NCLN: variants seen among roughly 807,000 people sequenced by gnomAD.
NCLN encodes nicalin, also known as BOS complex subunit NCLN.
In NCLN, 34 loss-of-function variants were observed where a neutral mutation model predicts 69.5. That is an observed-to-expected ratio of 0.49 (90% CI 0.37 to 0.65). The LOEUF (loss-of-function observed/expected upper bound fraction) is 0.65. Ranked by LOEUF, NCLN falls within the 30% of genes least tolerant of loss-of-function variation. The pLI, the probability that NCLN is intolerant of heterozygous loss-of-function variation, is 0.00. For missense variants in NCLN, 710 were observed against 804.8 expected (o/e 0.88, Z 1.42); for synonymous variants, 393 against 358.3 (o/e 1.10, Z -1.09).
chr19:3,186,097 A>G lies in NCLN; in HGVS notation c.67A>G (p.Ile23Val). The G allele has an allele frequency of 6.2e-7, 1 of 1,600,002 alleles. No homozygotes were observed. ...LKASCLPLGF[I>V]VFLPAVLLLV... ...GGCGTCTTGTCTGCCGCTCGGCTTCATCGTCTTCCTGCCCGCTGTGCTGCT... is the reference window on the plus strand; with the variant it reads ...GGCGTCTTGTCTGCCGCTCGGCTTCGTCGTCTTCCTGCCCGCTGTGCTGCT... The change falls in exon 1 of 15, where the codon ATC becomes GTC. Residue 23 changes from isoleucine (I) to valine (V), a missense_variant. Transcript: ENST00000246117.
At chr19:3,197,967 A>C (rs1042054634) in intron 4 of NCLN, among the ~76,000 whole-genome samples, 1 of 152,200 alleles carries the variant, frequency 6.6e-6, no homozygotes, top group African/African-American at 2.4e-5. Flanking sequence ...TGCATGTGCA[A>C]GCCGTCCATG....
intron 4 of NCLN, among the ~76,000 whole-genome samples, chr19:3,197,685 ATC>A (rs1161722264): frequency 1.4e-5 from 2 of 146,968 alleles, no homozygotes; most frequent in Non-Finnish European, 3.0e-5. Context: ...CAATGGTGCG[ATC>A]TCAGCTCACT....
intron 1 of NCLN, among the ~76,000 whole-genome samples, chr19:3,189,838 C>A (rs997897233): frequency 2.0e-5 from 3 of 152,218 alleles, no homozygotes; most frequent in Non-Finnish European, 4.4e-5. Flanking sequence ...CGAGCGGGGG[C>A]TGGGATCCAG....
intron 1 of NCLN, among the ~76,000 whole-genome samples, chr19:3,189,295 C>T (rs1915750324): frequency 6.6e-6 from 1 of 152,232 alleles, no homozygotes; most frequent in South Asian, 2.1e-4. Flanking sequence ...GCTCCCAGGA[C>T]CCGTCAAGTC....
intron 1 of NCLN, among the ~76,000 whole-genome samples, chr19:3,188,949 C>A (rs367947621): frequency 6.6e-6 from 1 of 152,244 alleles, no homozygotes; most frequent in Non-Finnish European, 1.5e-5. Flanking sequence ...GAAGCCCCAG[C>A]GTGCTGCCTT....
chr19:3,198,379 T>C (rs1424873559), intron 4 of NCLN, among the ~76,000 whole-genome samples: 2 of 151,206 alleles, frequency 1.3e-5, no homozygotes, highest in African/African-American at 2.4e-5. Context: ...TGGTGGCGGG[T>C]GCCTGTAGTC....
rs1258806580 is a variant in NCLN at position 3,192,675 on chromosome 19, T to C, written c.375+15T>C. The C allele has an allele frequency of 6.6e-6, 10 of 1,518,326 alleles. No individual in the cohort carries two copies. The African/African-American group carries it at 1.3e-4, about 19-fold the overall frequency. The allele number at this position is 1,518,326 out of a possible 1,614,324, so 94.1% of individuals were successfully genotyped here. On this transcript the variant is annotated intron_variant, in intron 2 of 14. Coordinates refer to ENST00000246117, the MANE Select transcript of NCLN (RefSeq NM_020170.4). ...ACGTCGTCCGGGTGAGCGTCTGCCC[T>C]GCCCCGCCCGGCTCAGGTCCAGAGC... is the stretch of plus-strand genomic sequence containing the variant.
intron 3 of NCLN, 55 bp downstream of exon 3, chr19:3,193,483 C>G: frequency 6.5e-7 from 1 of 1,528,560 alleles, no homozygotes; most frequent in Non-Finnish European, 8.8e-7. Context: ...GGGAGGCGTC[C>G]CCATCCCAAG....
intron 14 of NCLN, 45 bp downstream of exon 14, chr19:3,207,514 G>C: frequency 1.2e-6 from 2 of 1,609,900 alleles, no homozygotes; most frequent in Non-Finnish European, 1.7e-6. Context: ...CGCCCGCCGG[G>C]AGGAGCTGGG....
At position 3,206,201 on chromosome 19, in the gene NCLN, C is replaced by T. The variant is rs1430745405; in HGVS notation, c.1335+11C>T. 7 of 1,083,340 alleles carry T rather than the reference C, an allele frequency of 6.5e-6. No individual in the cohort carries two copies. The highest frequency in any genetic ancestry group is 8.6e-6 in the Non-Finnish European group (7 of 814,888). 67.1% of individuals were successfully genotyped at this position (1,083,340 alleles called of 1,614,324 possible). ...TTCACAGAGCAGATGGTAAGGGGGC[C>T]AGGCCAGTGGGTGGGTGGGTGGGCG... is the stretch of plus-strand genomic sequence containing the variant. On this transcript the variant is annotated intron_variant, in intron 11 of 14. Coordinates refer to ENST00000246117, the MANE Select transcript of NCLN (RefSeq NM_020170.4).
chr19:3,198,762 C>T, intron 4 of NCLN, 55 bp from the exon 5 acceptor site: 1 of 1,467,508 alleles, frequency 6.8e-7, no homozygotes. Context: ...AAGCCCCACA[C>T]ACGGGTCACC....
At chr19:3,186,975 A>C (rs1915686337) in intron 1 of NCLN, among the ~76,000 whole-genome samples, 1 of 152,110 alleles carries the variant, frequency 6.6e-6, no homozygotes, top group Non-Finnish European at 1.5e-5. Context: ...AGAATCTGCT[A>C]GCCCAGCTTC....
At position 3,203,987 on chromosome 19, in the gene NCLN, G is replaced by T; in HGVS notation, c.890-18G>T. 6.4e-7 allele frequency: 1 copy of T among 1,555,390 alleles called. No individual in the cohort carries two copies. Reference sequence around the variant, plus strand: ...TTCCTGGTCCCCACCCACCCCGCCAGCTCTCGGTGTCCTGCAGACTCCAGC... The same window carrying T: ...TTCCTGGTCCCCACCCACCCCGCCATCTCTCGGTGTCCTGCAGACTCCAGC... On this transcript the variant is annotated intron_variant, in intron 7 of 14. Coordinates refer to ENST00000246117, the MANE Select transcript of NCLN (RefSeq NM_020170.4).
chr19:3,186,201 G>A lies in NCLN; in HGVS notation c.171G>A (p.Gln57=). 1.3e-6 allele frequency: 2 copies of A among 1,561,312 alleles called. No individual in the cohort carries two copies. Among genetic ancestry groups the A allele is most frequent in the Non-Finnish European group, 1.7e-6 (2 of 1,157,896 alleles). ...ACCGCATGCAGCAGTACGACCTGCA[G>A]GGCCAGCCCTACGGTGCGTGTCCCC... is the stretch of plus-strand genomic sequence containing the variant. ...TVYRMQQYDL[Q]GQPYGTRNAV... The change falls in exon 1 of 15, where the codon CAG becomes CAA. Residue 57 remains glutamine, a synonymous_variant. Transcript: ENST00000246117.
At chr19:3,207,579 T>TG in intron 14 of NCLN, 50 bp from the exon 15 acceptor site, 2 of 1,610,012 alleles carry the variant, frequency 1.2e-6, no homozygotes, top group Non-Finnish European at 1.7e-6. Context: ...TCACATGACC[T>TG]GGGGCTCTGG....
At chr19:3,204,320 C>G (rs553982781) in intron 8 of NCLN, among the ~76,000 whole-genome samples, 176 bp downstream of exon 8, 7 of 151,752 alleles carry the variant, frequency 4.6e-5, no homozygotes, top group African/African-American at 1.7e-4. Flanking sequence ...TGTCCAACCC[C>G]GGGGCTCTGA....
intron 2 of NCLN, 32 bp downstream of exon 2, chr19:3,192,692 G>T (rs780463270): frequency 3.4e-6 from 5 of 1,489,590 alleles, no homozygotes; most frequent in Non-Finnish European, 4.5e-6. Context: ...CCCGGCTCAG[G>T]TCCAGAGCTG....
Position 3,196,200 on chromosome 19 carries a change from A to G in NCLN, c.538A>G (p.Thr180Ala), listed in dbSNP as rs1568311804. ...CTCCCTAGTACTGCTGCGCACGGCC[A>G]CTGCCAACGGCTTCCAGATGGTCAC... The part of the protein sequence containing the change: ...SAAEVLLRTA[T>A]ANGFQMVTSG... The change falls in exon 4 of 15, where the codon ACT becomes GCT. Residue 180 changes from threonine to alanine, a missense_variant. Transcript: ENST00000246117. The G allele has an allele frequency of 1.9e-6, 3 of 1,554,096 alleles. No homozygotes were observed. Among genetic ancestry groups the G allele is most frequent in the Non-Finnish European group, 1.7e-6 (2 of 1,148,428 alleles).
chr19:3,198,855 C>T lies in NCLN; in HGVS notation c.654C>T (p.Thr218=). 3.2e-6 allele frequency: 5 copies of T among 1,568,256 alleles called. No homozygotes were observed. Among genetic ancestry groups the T allele is most frequent in the Non-Finnish European group, 4.3e-6 (5 of 1,157,664 alleles). ...GGCTGGGCGGAGAGGACCTTCCCAC[C>T]ATCGTCATCGTGGCCCACTACGACG... The part of the protein sequence containing the change: ...LTGLGGEDLP[T]IVIVAHYDAF... The change falls in exon 5 of 15, where the codon ACC becomes ACT. Residue 218 remains threonine, a synonymous_variant. Coordinates refer to ENST00000246117, the MANE Select transcript of NCLN (RefSeq NM_020170.4).
Sources: gnomAD v4.1 joint callset for allele counts (sites outside exome capture counted in the v4.1 genomes callset) on GRCh38, gnomAD v4.1.1 for gene constraint, MANE v1.5 for transcripts, NCBI Gene and HGNC (gene_info 2026-07-23, HGNC 2026-07-21) for gene names.